Variants in PPM1L observed in about 807,000 individuals in gnomAD.
PPM1L encodes the protein protein phosphatase 1L.
PPM1L carries 13 observed loss-of-function variants against 31.4 expected under a neutral mutation model. That is an observed-to-expected ratio of 0.41 (90% CI 0.27 to 0.66). The LOEUF (loss-of-function observed/expected upper bound fraction) is 0.66, where lower values mean the gene tolerates loss of function less well. Ranked by LOEUF, PPM1L falls within the 30% of genes least tolerant of loss-of-function variation. PPM1L has a pLI of 0.29. For missense variants in PPM1L, 326 were observed against 453.7 expected (o/e 0.72, Z 2.56); for synonymous variants, 184 against 175.4 (o/e 1.05, Z -0.39).
At chr3:160,821,669 C>G (rs1713206242) in intron 1 of PPM1L, among the ~76,000 whole-genome samples, 1 of 152,034 alleles carries the variant, frequency 6.6e-6, no homozygotes, top group Admixed American at 6.6e-5. Context: ...ATTCAGCTTT[C>G]TCCACTAGTT....
At chr3:160,948,691 C>G (rs1045860086) in intron 1 of PPM1L, among the ~76,000 whole-genome samples, 5 of 152,078 alleles carry the variant, frequency 3.3e-5, no homozygotes, top group Admixed American at 6.6e-5. Context: ...TGAGGCTGAG[C>G]AGACTAGCAA....
At chr3:160,789,300 A>G (rs1712028021) in intron 1 of PPM1L, among the ~76,000 whole-genome samples, 2 of 151,974 alleles carry the variant, frequency 1.3e-5, no homozygotes, top group Admixed American at 1.3e-4. Context: ...CAGGAAAGCC[A>G]CTATACAGAA....
intron 1 of PPM1L, among the ~76,000 whole-genome samples, chr3:160,759,399 A>T (rs1388710661): frequency 2.0e-5 from 3 of 152,196 alleles, no homozygotes; most frequent in Non-Finnish European, 4.4e-5. Flanking sequence ...TCATCTGTGT[A>T]TATCAATTTC....
At chr3:160,902,908 G>A (rs1713593678) in intron 1 of PPM1L, among the ~76,000 whole-genome samples, 1 of 152,048 alleles carries the variant, frequency 6.6e-6, no homozygotes, top group Non-Finnish European at 1.5e-5. Context: ...AGAATTGAGA[G>A]GATTTAGATC....
At chr3:160,762,706 G>T (rs1395206887) in intron 1 of PPM1L, among the ~76,000 whole-genome samples, 1 of 152,118 alleles carries the variant, frequency 6.6e-6, no homozygotes, top group Non-Finnish European at 1.5e-5. Context: ...ACAGCGATTG[G>T]GTGGAGAAAG....
intron 1 of PPM1L, among the ~76,000 whole-genome samples, chr3:160,914,307 A>G (rs1322863891): frequency 6.6e-6 from 1 of 151,750 alleles, no homozygotes; most frequent in Non-Finnish European, 1.5e-5. Context: ...TTTTTATTAT[A>G]CTTTAAGTTT....
rs770041427 is a variant in PPM1L, at chr3:160,828,544, G to A, written c.399+71837G>A. ...ATAGACAATAAGTAAGTAAAAAGCA[G>A]TGGAGGTTGATAATGTTAGGTACTA... On this transcript the variant is annotated intron_variant, in intron 1 of 3. Transcript: ENST00000498165. Among the ~76,000 whole-genome samples the A allele has an allele frequency of 7.2e-5, 11 of 152,228 alleles. No homozygotes were observed. In the South Asian group the frequency reaches 1.0e-3, roughly 14 times the overall value.
chr3:161,066,576 A>G (rs1009225552), intron 3 of PPM1L, among the ~76,000 whole-genome samples: 2 of 152,204 alleles, frequency 1.3e-5, no homozygotes, highest in African/African-American at 4.8e-5. Context: ...CATTTTCATA[A>G]TTCGATTTCA....
chr3:161,043,196 C>T (rs971872063), intron 2 of PPM1L, among the ~76,000 whole-genome samples: 2 of 152,028 alleles, frequency 1.3e-5, no homozygotes, highest in Non-Finnish European at 2.9e-5. Flanking sequence ...TAGCAGTCAA[C>T]CAGAGGGAGT....
intron 1 of PPM1L, among the ~76,000 whole-genome samples, chr3:160,855,180 G>A (rs1711645405): frequency 6.6e-6 from 1 of 152,054 alleles, no homozygotes; most frequent in Non-Finnish European, 1.5e-5. Context: ...CTATGCAGAA[G>A]ACTGAAACTG....
At position 160,922,179 on chromosome 3, in the gene PPM1L, A is replaced by G. The variant is rs190324517; in HGVS notation, c.400-39557A>G. On this transcript the variant is annotated intron_variant, in intron 1 of 3. Transcript: ENST00000498165. ...CAAAAAATTAGCCGGGCGTGGTGGC[A>G]GGCACCTGTAGTCCCAGCTACTTGG... Among the ~76,000 whole-genome samples the G allele has an allele frequency of 3.0e-3, 456 of 152,198 alleles. 3 individuals are homozygous for G. Among genetic ancestry groups the G allele is most frequent in the Non-Finnish European group, 3.8e-3 (260 of 68,004 alleles).
At chr3:160,801,128 T>TAC (rs10575984) in intron 1 of PPM1L, among the ~76,000 whole-genome samples, 14,233 of 145,552 alleles carry the variant, frequency 0.098, 670 homozygotes, top group African/African-American at 0.11. Flanking sequence ...TGTTTAGTGA[T>TAC]ACACACACAC....
intron 2 of PPM1L, among the ~76,000 whole-genome samples, chr3:161,041,930 CATT>C (rs1718921970): frequency 3.3e-5 from 5 of 152,240 alleles, no homozygotes; most frequent in East Asian, 1.9e-4. Flanking sequence ...TAGTCATCAT[CATT>C]GTTAAAAAAT....
chr3:160,983,432 G>A (rs1002804162), intron 2 of PPM1L, among the ~76,000 whole-genome samples: 4 of 151,810 alleles, frequency 2.6e-5, no homozygotes, highest in African/African-American at 9.7e-5. Context: ...CAGATTTTTT[G>A]GGGGGTGGTG....
rs1482167087 is a variant in PPM1L at position 161,075,875 on chromosome 3, A to G, written c.*6718A>G. ...TTTCTGATGAAAATGGATACATGAGATCTCATTTATTGCTCTCCTCAACAC... is the reference window on the plus strand; with the variant it reads ...TTTCTGATGAAAATGGATACATGAGGTCTCATTTATTGCTCTCCTCAACAC... On this transcript the variant is annotated 3_prime_UTR_variant, in exon 4 of 4. Transcript: ENST00000498165. 6.6e-6 allele frequency: 1 copy of G among 152,162 alleles called. No homozygotes were observed. The highest frequency in any genetic ancestry group is 2.4e-5 in the African/African-American group (1 of 41,448). 9.4% of individuals were successfully genotyped at this position (152,162 alleles called of 1,614,324 possible). A position where few individuals can be genotyped will look rare whatever the true frequency, so the allele number is the denominator to read the frequency against.
At chr3:161,044,763 G>A (rs988650407) in intron 2 of PPM1L, among the ~76,000 whole-genome samples, 9 of 152,012 alleles carry the variant, frequency 5.9e-5, no homozygotes, top group South Asian at 2.1e-4. Flanking sequence ...TCAACTTCAC[G>A]CATAACAATA....
intron 2 of PPM1L, among the ~76,000 whole-genome samples, chr3:161,017,345 G>A (rs1030521541): frequency 6.6e-6 from 1 of 152,162 alleles, no homozygotes. Flanking sequence ...ATAGAGAAGT[G>A]TCATATTTTT....
chr3:160,992,992 T>A (rs1386388660), intron 2 of PPM1L, among the ~76,000 whole-genome samples: 1 of 152,116 alleles, frequency 6.6e-6, no homozygotes, highest in Non-Finnish European at 1.5e-5. Flanking sequence ...ACTACTACTA[T>A]TTTTATAACA....
intron 2 of PPM1L, among the ~76,000 whole-genome samples, chr3:161,015,699 T>C (rs1718064501): frequency 6.6e-6 from 1 of 152,216 alleles, no homozygotes. Flanking sequence ...GTTATTTCTT[T>C]TACCAGGAAT....
Sources: allele counts gnomAD v4.1 joint callset (sites outside exome capture counted in the v4.1 genomes callset), GRCh38; gene constraint gnomAD v4.1.1; transcripts MANE v1.5; gene names NCBI Gene and HGNC (gene_info 2026-07-23, HGNC 2026-07-21).